Variants in ANXA4 observed in about 807,000 individuals in gnomAD.
ANXA4 encodes annexin A4.
A neutral mutation model predicts 49.8 loss-of-function variants in ANXA4; 39 were observed. The ratio of observed to expected loss-of-function variants is 0.78; its 90% CI spans 0.61 to 1.02. ANXA4 has a LOEUF of 1.02. Ranked by LOEUF, ANXA4 falls within the 50% of genes least tolerant of loss-of-function variation. The probability of loss-of-function intolerance (pLI) is 0.00; values close to 1 mark genes in which losing one functional copy is unlikely to be tolerated. For synonymous variants in ANXA4, 134 were observed against 152.5 expected, an observed-to-expected ratio of 0.88 and a Z score of 0.89; for missense variants, 360 against 410.1, an observed-to-expected ratio of 0.88 and a Z score of 1.05.
At chr2:69,718,594 A>G (rs527373756) in intron 2 of ANXA4, among the ~76,000 whole-genome samples, 38 of 152,278 alleles carry the variant, frequency 2.5e-4, no homozygotes, top group African/African-American at 9.1e-4. Context: ...AGGGCTTTAT[A>G]CCTGCTGCTT....
intron 2 of ANXA4, among the ~76,000 whole-genome samples, chr2:69,658,686 T>A (rs1676598515): frequency 6.6e-6 from 1 of 152,192 alleles, no homozygotes; most frequent in African/African-American, 2.4e-5. Context: ...TATTTTTATT[T>A]ATTTATTCAT....
At chr2:69,739,421 G>T (rs1401084638), upstream of ANXA4, among the ~76,000 whole-genome samples, 4 of 151,860 alleles carry the variant, frequency 2.6e-5, no homozygotes, top group South Asian at 8.4e-4. Context: ...TTTTTAGGGG[G>T]GTGGGGTGGG....
In ANXA4 at chr2:69,810,650, C is replaced by A. The variant is rs1406802423; in HGVS notation, c.454C>A (p.Arg152=). The A allele has an allele frequency of 6.2e-7, 1 of 1,613,900 alleles. No individual in the cohort carries two copies. The highest frequency in any genetic ancestry group is 2.2e-5 in the East Asian group (1 of 44,898). ...IRSDTSFMFQ[R]VLVSLSAGGR... ...CTCTGACACATCGTTCATGTTCCAG[C>A]GAGTGCTGGTGTCTCTGTCAGCTGT... The change falls in exon 7 of 13, where the codon CGA becomes AGA. Residue 152 remains arginine (R), a synonymous_variant. Coordinates refer to ENST00000394295, the MANE Select transcript of ANXA4 (RefSeq NM_001153.5).
At chr2:69,757,238 TTA>T (rs869068494) in intron 1 of ANXA4, among the ~76,000 whole-genome samples, 1,119 of 59,038 alleles carry the variant, frequency 0.019, 57 homozygotes, top group Middle Eastern at 0.11. Context: ...CATTTTTGTT[TTA>T]TATATATATA....
chr2:69,732,777 G>A (rs982940474), intron 3 of ANXA4, among the ~76,000 whole-genome samples: 1 of 151,908 alleles, frequency 6.6e-6, no homozygotes, highest in East Asian at 1.9e-4. Flanking sequence ...AAAAAAAAAA[G>A]ATTACTACAG....
At chr2:69,740,857 T>C (rs1260923764), upstream of ANXA4, among the ~76,000 whole-genome samples, 1 of 38,762 alleles carries the variant, frequency 2.6e-5, no homozygotes, top group African/African-American at 1.2e-4. Flanking sequence ...ATATATATGT[T>C]TTTTTTTTTT....
At chr2:69,672,724 G>T (rs779066719) in intron 2 of ANXA4, among the ~76,000 whole-genome samples, 19 of 152,126 alleles carry the variant, frequency 1.2e-4, no homozygotes, top group Non-Finnish European at 2.6e-4. Flanking sequence ...TGCATGGGGA[G>T]AGAGGGAAGT....
intron 1 of ANXA4, among the ~76,000 whole-genome samples, chr2:69,772,582 G>A (rs532679203): frequency 6.6e-6 from 1 of 152,196 alleles, no homozygotes; most frequent in South Asian, 2.1e-4. Flanking sequence ...CCCCATCCTT[G>A]TGCCAAGAGT....
At chr2:69,651,994 T>G (rs1676265676) in intron 1 of ANXA4, among the ~76,000 whole-genome samples, 1 of 151,696 alleles carries the variant, frequency 6.6e-6, no homozygotes, top group Non-Finnish European at 1.5e-5. Context: ...TATTGAATTT[T>G]TATTGCAAAC....
chr2:69,825,721 C>A lies in ANXA4; in HGVS notation c.*206C>A. The A allele has an allele frequency of 2.4e-6, 1 of 413,668 alleles. No homozygotes were observed. Among genetic ancestry groups the A allele is most frequent in the Non-Finnish European group, 4.3e-6 (1 of 233,826 alleles). 25.6% of individuals were successfully genotyped at this position (413,668 alleles called of 1,614,324 possible). A position where few individuals can be genotyped will look rare whatever the true frequency, so the allele number is the denominator to read the frequency against. Reference sequence around the variant, plus strand: ...TTAAAGCTGTACTTGCATTTCAAAGCTTATAAGATATAAATGGAGATTTTA... The same window carrying A: ...TTAAAGCTGTACTTGCATTTCAAAGATTATAAGATATAAATGGAGATTTTA... On this transcript the variant is annotated 3_prime_UTR_variant, in exon 13 of 13. Coordinates refer to ENST00000394295, the MANE Select transcript of ANXA4 (RefSeq NM_001153.5).
At chr2:69,742,405 C>G (rs1670432125) in intron 1 of ANXA4, among the ~76,000 whole-genome samples, 1 of 152,190 alleles carries the variant, frequency 6.6e-6, no homozygotes, top group Non-Finnish European at 1.5e-5. Flanking sequence ...ACCGCTGGCA[C>G]CATCCAGGAC....
intron 2 of ANXA4, among the ~76,000 whole-genome samples, chr2:69,654,270 CTT>C (rs1676356504): frequency 6.6e-6 from 1 of 152,152 alleles, no homozygotes; most frequent in Admixed American, 6.6e-5. Flanking sequence ...TTTGAATACT[CTT>C]TATTTCTTTC....
At chr2:69,732,445 A>G (rs577435963) in intron 3 of ANXA4, among the ~76,000 whole-genome samples, 117 of 151,958 alleles carry the variant, frequency 7.7e-4, no homozygotes, top group African/African-American at 2.6e-3. Context: ...AAACAGCAGT[A>G]GAGTTCATCG....
At chr2:69,792,470 A>G (rs1049701166) in intron 3 of ANXA4, among the ~76,000 whole-genome samples, 1 of 152,186 alleles carries the variant, frequency 6.6e-6, no homozygotes, top group Non-Finnish European at 1.5e-5. Context: ...AAGTTTTGCT[A>G]AAGAGTAGAT....
intron 1 of ANXA4, among the ~76,000 whole-genome samples, chr2:69,765,632 G>C (rs1309497114): frequency 2.0e-5 from 3 of 152,130 alleles, no homozygotes; most frequent in Admixed American, 2.0e-4. Context: ...TATTAGCTTT[G>C]TTCGTTCTAG....
chr2:69,756,156 C>G (rs969981068), intron 1 of ANXA4, among the ~76,000 whole-genome samples: 1 of 152,242 alleles, frequency 6.6e-6, no homozygotes. Context: ...TATCCCTGGC[C>G]TTACCTTGTG....
At chr2:69,780,221 G>A (rs1483243756) in intron 1 of ANXA4, among the ~76,000 whole-genome samples, 2 of 152,128 alleles carry the variant, frequency 1.3e-5, no homozygotes, top group African/African-American at 4.8e-5. Context: ...TTGAGACAGT[G>A]TCTCACTCTG....
chr2:69,815,213 T>G lies in ANXA4; in HGVS notation c.535-888T>G, dbSNP rs547636743. The G allele has an allele frequency of 3.9e-5, 6 of 152,348 alleles. No homozygotes were observed. In the South Asian group the frequency reaches 1.2e-3, roughly 32 times the overall value. The allele number at this position is 152,348 out of a possible 1,614,324, so 9.4% of individuals were successfully genotyped here. Reference sequence around the variant, plus strand: ...TCAGTCAAGTTGACATAAAATAAATTGTCACAAGCCTGTTGAGATTCAAGT... The same window carrying G: ...TCAGTCAAGTTGACATAAAATAAATGGTCACAAGCCTGTTGAGATTCAAGT... On this transcript the variant is annotated intron_variant, in intron 8 of 12. Transcript: ENST00000394295.
chr2:69,655,409 C>CA (rs1274248618), intron 2 of ANXA4, among the ~76,000 whole-genome samples: 1 of 151,940 alleles, frequency 6.6e-6, no homozygotes, highest in African/African-American at 2.4e-5. Flanking sequence ...TTTATGTAGC[C>CA]AAAAAACATA....
Sources: allele counts gnomAD v4.1 joint callset (sites outside exome capture counted in the v4.1 genomes callset), GRCh38; gene constraint gnomAD v4.1.1; transcripts MANE v1.5; gene names NCBI Gene and HGNC (gene_info 2026-07-23, HGNC 2026-07-21).